Variants in EEF2K observed in about 807,000 individuals in gnomAD.
EEF2K encodes the protein alternative protein EEF2K.
In EEF2K, 70 loss-of-function variants were observed where a neutral mutation model predicts 93.8. The observed-to-expected ratio is 0.75, with a 90% CI of 0.62 to 0.91. The LOEUF (loss-of-function observed/expected upper bound fraction) is 0.91. Ranked by LOEUF, EEF2K falls within the 40% of genes least tolerant of loss-of-function variation. The pLI is 0.00. For missense variants in EEF2K, 935 were observed against 972.9 expected (o/e 0.96, Z 0.52); for synonymous variants, 376 against 380.8 (o/e 0.99, Z 0.15).
In EEF2K at chr16:22,241,022, C is replaced by T. The variant is rs2047217188; in HGVS notation, c.247-3608C>T. ...TGACCTTGTGATCTGCCTGCCTCAG[C>T]CTCCCAAAGTGCTGGGATTACAGGT... On this transcript the variant is annotated intron_variant, in intron 2 of 17. Transcript: ENST00000263026. Among the ~76,000 whole-genome samples the T allele has an allele frequency of 2.0e-5, 3 of 152,026 alleles. No homozygotes were observed. In the South Asian group the frequency reaches 6.2e-4, roughly 32 times the overall value.
At chr16:22,221,872 C>T (rs75592532) in intron 1 of EEF2K, among the ~76,000 whole-genome samples, 1 of 152,048 alleles carries the variant, frequency 6.6e-6, no homozygotes, top group East Asian at 1.9e-4. Flanking sequence ...GAGTTCAAGG[C>T]CACTGTGGCC....
At chr16:22,226,514 C>CTTTTTTTTTTTTTTTTTTTTTTT (rs1393099761) in intron 2 of EEF2K, among the ~76,000 whole-genome samples, 3 of 84,492 alleles carry the variant, frequency 3.6e-5, no homozygotes, top group African/African-American at 1.9e-4. Context: ...TTTCCTTCTT[C>CTTTTTTTTTTTTTTTTTTTTTTT]TTCTTTTTTT....
At chr16:22,233,046 G>A (rs1049439508) in intron 2 of EEF2K, among the ~76,000 whole-genome samples, 3 of 152,220 alleles carry the variant, frequency 2.0e-5, no homozygotes, top group Non-Finnish European at 4.4e-5. Context: ...CCGTGGAGAC[G>A]TGGCAGAACC....
chr16:22,266,847 C>T lies in EEF2K; in HGVS notation c.1735C>T (p.His579Tyr). Residue 579 changes from histidine to tyrosine, a missense_variant, in exon 15 of 18, where the codon CAT becomes TAT. His to Tyr is a moderately conservative substitution (Grantham distance 83). Coordinates refer to ENST00000263026, the MANE Select transcript of EEF2K (RefSeq NM_013302.5). ...GGGACTCATGTACTCGCAGTTGCCT[C>T]ATCACATCCTAGCCGATGTCTCTCT... ...GLGLMYSQLP[H>Y]HILADVSLKE... 1.2e-6 allele frequency: 2 copies of T among 1,613,128 alleles called. No individual in the cohort carries two copies. Among genetic ancestry groups the T allele is most frequent in the Non-Finnish European group, 1.7e-6 (2 of 1,179,416 alleles).
chr16:22,278,499 G>A (rs1430940582), intron 16 of EEF2K, among the ~76,000 whole-genome samples: 1 of 152,136 alleles, frequency 6.6e-6, no homozygotes, highest in Non-Finnish European at 1.5e-5. Flanking sequence ...GCAGGAGCAG[G>A]CATCGTTGGG....
intron 2 of EEF2K, among the ~76,000 whole-genome samples, chr16:22,235,650 A>AC (rs2047160795): frequency 6.6e-6 from 1 of 152,058 alleles, no homozygotes; most frequent in African/African-American, 2.4e-5. Flanking sequence ...GGCATGCACC[A>AC]CCACGCCTGA....
rs536821458 is a variant in EEF2K, at chr16:22,266,452, C to T, written c.1503C>T (p.Ala501=). Reference sequence around the variant, plus strand: ...GCCTCCACCTGCCGAGGGCTTCGGCCGTGGCCCTGGAAGTGCAAAGGCTTA... The same window carrying T: ...GCCTCCACCTGCCGAGGGCTTCGGCTGTGGCCCTGGAAGTGCAAAGGCTTA... ...SSRLHLPRAS[A]VALEVQRLNA... Residue 501 remains alanine (A), a synonymous_variant, in exon 14 of 18, where the codon GCC becomes GCT. Transcript: ENST00000263026. The T allele has an allele frequency of 3.3e-5, 53 of 1,614,152 alleles. No individual in the cohort carries two copies. In the African/African-American group the frequency reaches 5.3e-4, roughly 16 times the overall value.
chr16:22,283,943 G>T lies in EEF2K; in HGVS notation c.2125G>T (p.Ala709Ser). 2.5e-6 allele frequency: 4 copies of T among 1,598,838 alleles called. No homozygotes were observed. Among genetic ancestry groups the T allele is most frequent in the Non-Finnish European group, 3.4e-6 (4 of 1,172,888 alleles). Residue 709 changes from alanine (A) to serine (S), a missense_variant, in exon 18 of 18, where the codon GCC becomes TCC. Transcript: ENST00000263026. Reference protein sequence around the residue: ...AAMEAMKGRLANQYYQKAEEA... With the variant: ...AAMEAMKGRLSNQYYQKAEEA... ...GATGGAAGCCATGAAGGGCCGACTG[G>T]CCAACCAGTACTACCAAAAGGCTGA...
intron 4 of EEF2K, 144 bp downstream of exon 4, chr16:22,248,959 G>A: frequency 1.2e-6 from 1 of 808,846 alleles, no homozygotes; most frequent in Non-Finnish European, 1.9e-6. Flanking sequence ...TTTATTTATT[G>A]GTTGTAGCCA....
chr16:22,209,596 C>T (rs561566310), intron 1 of EEF2K, among the ~76,000 whole-genome samples: 12 of 152,176 alleles, frequency 7.9e-5, no homozygotes, highest in Non-Finnish European at 1.8e-4. Context: ...TTAAAAGAAT[C>T]AGTGTTTTTT....
chr16:22,216,749 A>G (rs1325807208), intron 1 of EEF2K, among the ~76,000 whole-genome samples: 1 of 152,172 alleles, frequency 6.6e-6, no homozygotes, highest in Non-Finnish European at 1.5e-5. Context: ...TAAAGGAACC[A>G]GAAGAAGACC....
At chr16:22,207,417 C>T (rs1447637900) in intron 1 of EEF2K, among the ~76,000 whole-genome samples, 1 of 152,200 alleles carries the variant, frequency 6.6e-6, no homozygotes, top group African/African-American at 2.4e-5. Context: ...AAGCAGGAAA[C>T]ACTAGGGCTG....
intron 17 of EEF2K, among the ~76,000 whole-genome samples, chr16:22,283,599 A>G: frequency 6.6e-6 from 1 of 152,082 alleles, no homozygotes; most frequent in South Asian, 2.1e-4. Context: ...TACATACCCC[A>G]AACCAACAGT....
chr16:22,219,636 A>C (rs909993192), intron 1 of EEF2K, among the ~76,000 whole-genome samples: 3 of 152,204 alleles, frequency 2.0e-5, no homozygotes, highest in African/African-American at 7.2e-5. Flanking sequence ...TCAAAAAATA[A>C]AACTTTACAA....
At chr16:22,232,750 A>T (rs1233787504) in intron 2 of EEF2K, among the ~76,000 whole-genome samples, 1 of 152,094 alleles carries the variant, frequency 6.6e-6, no homozygotes, top group Non-Finnish European at 1.5e-5. Flanking sequence ...GGGAGTTGGC[A>T]CTTCATTGCT....
intron 2 of EEF2K, among the ~76,000 whole-genome samples, chr16:22,228,777 A>G (rs987922041): frequency 5.3e-5 from 8 of 152,226 alleles, no homozygotes; most frequent in Non-Finnish European, 7.3e-5. Flanking sequence ...GCTTCGGGGT[A>G]AGGGAAAACA....
At chr16:22,267,253 A>G (rs973746821) in intron 15 of EEF2K, among the ~76,000 whole-genome samples, 17 of 152,112 alleles carry the variant, frequency 1.1e-4, no homozygotes, top group Admixed American at 4.6e-4. Context: ...GGGGCCTGGC[A>G]CTGAGTAGAT....
At chr16:22,265,240 A>G (rs369107909) in intron 13 of EEF2K, 7 of 192,522 alleles carry the variant, frequency 3.6e-5, no homozygotes, top group East Asian at 1.3e-4. Flanking sequence ...CATTTTATGT[A>G]TGAGAAAACT....
intron 2 of EEF2K, among the ~76,000 whole-genome samples, chr16:22,243,945 AG>A (rs2047254173): frequency 7.9e-6 from 1 of 126,506 alleles, no homozygotes; most frequent in African/African-American, 3.0e-5. Context: ...AAAAAAAAAG[AG>A]GCCGGGCACA....
Sources: gnomAD v4.1 joint callset for allele counts (sites outside exome capture counted in the v4.1 genomes callset) on GRCh38, gnomAD v4.1.1 for gene constraint, MANE v1.5 for transcripts, NCBI Gene and HGNC (gene_info 2026-07-23, HGNC 2026-07-21) for gene names.